The following COL7A1 variants were observed in gnomAD, a reference collection of about 807,000 sequenced individuals.
COL7A1 encodes the protein collagen type VII alpha 1 chain.
In COL7A1, 296 loss-of-function variants were observed where a neutral mutation model predicts 456.2. That is an observed-to-expected ratio of 0.65 (90% CI 0.59 to 0.71). COL7A1 has a LOEUF of 0.71. Among genes scored for constraint, COL7A1 ranks in the 30% least tolerant of loss-of-function variants. COL7A1 has a pLI of 0.00. For synonymous variants in COL7A1, 1,464 were observed against 1,525.9 expected, an observed-to-expected ratio of 0.96 and a Z score of 0.95; for missense variants, 3,441 against 4,017.2, an observed-to-expected ratio of 0.86 and a Z score of 3.88.
chr3:48,587,320 C>A lies in COL7A1; in HGVS notation c.3009G>T (p.Pro1003=). 1 of 1,600,436 alleles carries A rather than the reference C, an allele frequency of 6.2e-7. No individual in the cohort carries two copies. Among genetic ancestry groups the A allele is most frequent in the Non-Finnish European group, 8.5e-7 (1 of 1,173,346 alleles). ...RGPGQEVPGS[P]QTLPGISSSQ... The stretch of plus-strand genomic sequence containing the variant: ...AGCTTGAGATCCCTGGAAGTGTCTG[C>A]GGGGACCCAGGCACTTCTGCAGGAG... The change falls in exon 24 of 119, where the codon CCG becomes CCT. Residue 1003 remains proline, a synonymous_variant. Transcript: ENST00000681320. This position sits in a 1 kb window ranked among gnomAD's most constrained non-coding sequence, Gnocchi z 6.1.
chr3:48,587,781 A>C lies in COL7A1; in HGVS notation c.2857+12T>G. 9 of 1,613,384 alleles carry C rather than the reference A, an allele frequency of 5.6e-6. No individual in the cohort carries two copies. Among genetic ancestry groups the C allele is most frequent in the Non-Finnish European group, 6.8e-6 (8 of 1,179,960 alleles). On this transcript the variant is annotated intron_variant, in intron 22 of 118. Coordinates refer to ENST00000681320, the MANE Select transcript of COL7A1 (RefSeq NM_000094.4). The surrounding 1 kb of genome is among the most constrained non-coding windows in gnomAD (Gnocchi z 6.1). ...AGCAGGGGAGGAGCACGCCAAGGTG[A>C]GGCAGGCTTACCAGTGCGCGCAGTC... is the stretch of plus-strand genomic sequence containing the variant.
At position 48,583,082 on chromosome 3, in the gene COL7A1, G is replaced by A. The variant is rs760220232; in HGVS notation, c.4483-34C>T. The A allele has an allele frequency of 6.2e-7, 1 of 1,613,926 alleles. No individual in the cohort carries two copies. The highest frequency in any genetic ancestry group is 2.2e-5 in the East Asian group (1 of 44,874). ...AAAGAAGAGGTCAGAGCTGAGTTGG[G>A]CCCAGATCCTCCAGGGCCCTTGGCA... On this transcript the variant is annotated intron_variant, in intron 43 of 118. Transcript: ENST00000681320. This position sits in a 1 kb window ranked among gnomAD's most constrained non-coding sequence, Gnocchi z 5.1.
Position 48,567,983 on chromosome 3 carries a change from G to C in COL7A1, c.7876-92C>G. On this transcript the variant is annotated intron_variant, in intron 106 of 118. Transcript: ENST00000681320. This position sits in a 1 kb window ranked among gnomAD's most constrained non-coding sequence, Gnocchi z 4.3. ...AAACTAACTCTCCAAACAGGCCTCA[G>C]CTACTCCAACCTCTGACCCAGTGCC... 1 of 1,600,596 alleles carries C rather than the reference G, an allele frequency of 6.2e-7. No individual in the cohort carries two copies. The highest frequency in any genetic ancestry group is 8.6e-7 in the Non-Finnish European group (1 of 1,168,224).
chr3:48,568,773 G>T lies in COL7A1; in HGVS notation c.7758+11C>A, dbSNP rs776130597. ...ACCTGGGCCTGGGCCTGGGCCTGGG[G>T]CAGAACTTGCCTGGGGTCCCAGGAG... On this transcript the variant is annotated intron_variant, in intron 104 of 118. Coordinates refer to ENST00000681320, the MANE Select transcript of COL7A1 (RefSeq NM_000094.4). This position sits in a 1 kb window ranked among gnomAD's most constrained non-coding sequence, Gnocchi z 5.2. 4 of 1,562,488 alleles carry T rather than the reference G, an allele frequency of 2.6e-6. No homozygotes were observed. Among genetic ancestry groups the T allele is most frequent in the Non-Finnish European group, 3.5e-6 (4 of 1,152,622 alleles).
In COL7A1 at chr3:48,566,655, C is replaced by T. The variant is rs2107631732; in HGVS notation, c.8304+5G>A. ...TCTGACCCAAGCCTTGGAATCCCTA[C>T]TCACCTGCTCCCCTCTCTCGCCAGG... On this transcript the variant is annotated splice_donor_5th_base_variant and intron_variant, in intron 112 of 118. Coordinates refer to ENST00000681320, the MANE Select transcript of COL7A1 (RefSeq NM_000094.4). The surrounding 1 kb of genome is among the most constrained non-coding windows in gnomAD (Gnocchi z 5.9). The T allele has an allele frequency of 2.5e-6, 4 of 1,614,192 alleles. No individual in the cohort carries two copies. The highest frequency in any genetic ancestry group is 3.4e-6 in the Non-Finnish European group (4 of 1,180,026).
chr3:48,574,026 T>G lies in COL7A1; in HGVS notation c.6502-136A>C. 8.2e-7 allele frequency: 1 copy of G among 1,217,558 alleles called. No homozygotes were observed. Among genetic ancestry groups the G allele is most frequent in the South Asian group, 1.3e-5 (1 of 75,764 alleles). 75.4% of individuals were successfully genotyped at this position (1,217,558 alleles called of 1,614,324 possible). Reference sequence around the variant, plus strand: ...TCACAGATAATACCTACCCATGGACTGCCTCTCATAGATAGCACACACGGG... The same window carrying G: ...TCACAGATAATACCTACCCATGGACGGCCTCTCATAGATAGCACACACGGG... On this transcript the variant is annotated intron_variant, in intron 80 of 118. Transcript: ENST00000681320. This position sits in a 1 kb window ranked among gnomAD's most constrained non-coding sequence, Gnocchi z 5.0.
rs771793166 is a variant in COL7A1, at chr3:48,587,579, G to C, written c.2858-25C>G. The C allele has an allele frequency of 3.7e-6, 6 of 1,613,380 alleles. No individual in the cohort carries two copies. In the South Asian group the frequency reaches 4.4e-5, roughly 12 times the overall value. ...TCTGAAGGAGGAATGAAAGATCGAGGATCAGAGGCTGAGTCCTGAGAACCC... is the reference window on the plus strand; with the variant it reads ...TCTGAAGGAGGAATGAAAGATCGAGCATCAGAGGCTGAGTCCTGAGAACCC... On this transcript the variant is annotated intron_variant, in intron 22 of 118. Coordinates refer to ENST00000681320, the MANE Select transcript of COL7A1 (RefSeq NM_000094.4). This position sits in a 1 kb window ranked among gnomAD's most constrained non-coding sequence, Gnocchi z 6.1.
At chr3:48,589,188 A>C in intron 18 of COL7A1, 139 bp downstream of exon 18, 1 of 1,473,232 alleles carries the variant, frequency 6.8e-7, no homozygotes, top group Non-Finnish European at 9.4e-7. Context: ...GTGGGTGGAC[A>C]CTTAATCAGT....
At position 48,565,978 on chromosome 3, in the gene COL7A1, C is replaced by T. The variant is rs757416758; in HGVS notation, c.8407+289G>A. Among the ~76,000 whole-genome samples the T allele has an allele frequency of 1.3e-5, 2 of 152,128 alleles. No homozygotes were observed. The highest frequency in any genetic ancestry group is 2.9e-5 in the Non-Finnish European group (2 of 68,008). On this transcript the variant is annotated intron_variant, in intron 114 of 118. Transcript: ENST00000681320. The surrounding 1 kb of genome is among the most constrained non-coding windows in gnomAD (Gnocchi z 4.5). The stretch of plus-strand genomic sequence containing the variant: ...AGCTTCACTCTGATGCCCCTCCCAC[C>T]GGGTCCAGGTCAGGCCCAAGGGGAC...
Position 48,568,242 on chromosome 3 carries a change from G to A in COL7A1, c.7795-72C>T. 2.6e-6 allele frequency: 4 copies of A among 1,542,386 alleles called. No homozygotes were observed. Among genetic ancestry groups the A allele is most frequent in the African/African-American group, 1.4e-5 (1 of 73,760 alleles). On this transcript the variant is annotated intron_variant, in intron 105 of 118. Transcript: ENST00000681320. This position sits in a 1 kb window ranked among gnomAD's most constrained non-coding sequence, Gnocchi z 5.2. Reference sequence around the variant, plus strand: ...ACCAAAGAGAATCGCCCTGGATAGTGGGTAGGGAACACCATGGGGTGGGAG... The same window carrying A: ...ACCAAAGAGAATCGCCCTGGATAGTAGGTAGGGAACACCATGGGGTGGGAG...
At position 48,576,408 on chromosome 3, in the gene COL7A1, C is replaced by T. The variant is rs531448664; in HGVS notation, c.5764G>A (p.Gly1922Arg). ...AAAGGTGGGGGCCTCACCTGCTCCC[C>T]TTTGGATCCAGTCTCCCCACGGTCA... ...KGDRGETGSK[G>R]EQGLPGERGL... The change falls in exon 70 of 119, where the codon GGG becomes AGG. Residue 1922 changes from glycine to arginine, a missense_variant. Physicochemically the swap from Gly to Arg is moderately radical, Grantham distance 125. Around this residue, in one of 3 missense-constraint regions of COL7A1, gnomAD observed 2,084 missense variants for 2,501.3 expected, o/e 0.83. Transcript: ENST00000681320. The T allele has an allele frequency of 1.2e-6, 2 of 1,613,840 alleles. No homozygotes were observed. The highest frequency in any genetic ancestry group is 1.3e-5 in the African/African-American group (1 of 75,058).
rs1472451713 is a variant in COL7A1 at position 48,576,575 on chromosome 3, A to G, written c.5701-18T>C. Reference sequence around the variant, plus strand: ...GGAAAACCCTGAGATACGGCAGAACACAAAGGGGTCACAAAGGCCCATGGC... The same window carrying G: ...GGAAAACCCTGAGATACGGCAGAACGCAAAGGGGTCACAAAGGCCCATGGC... On this transcript the variant is annotated intron_variant, in intron 68 of 118. Transcript: ENST00000681320. 6.2e-7 allele frequency: 1 copy of G among 1,605,324 alleles called. No homozygotes were observed. Among genetic ancestry groups the G allele is most frequent in the Non-Finnish European group, 8.5e-7 (1 of 1,176,504 alleles).
rs1398593449 is a variant in COL7A1, at chr3:48,575,535, G to T, written c.5984C>A (p.Pro1995His). The change falls in exon 74 of 119, where the codon CCC (proline) becomes CAC (histidine). Residue 1995 changes from proline (P) to histidine (H), a missense_variant. Physicochemically the swap from Pro to His is moderately conservative, Grantham distance 77. This residue lies in a region of COL7A1 where 2,084 missense variants were observed against 2,501.3 expected (regional missense o/e 0.83). Coordinates refer to ENST00000681320, the MANE Select transcript of COL7A1 (RefSeq NM_000094.4). This position sits in a 1 kb window ranked among gnomAD's most constrained non-coding sequence, Gnocchi z 6.3. ...GEQGPPGKEG[P>H]IGFPGERGLK... is the part of the protein sequence containing the mutation. ...CCCGCGTTCTCCAGGAAAGCCGATG[G>T]GGCCCTGCAGGAGTGGAAGAGAGAA... The T allele has an allele frequency of 6.2e-7, 1 of 1,612,702 alleles. No individual in the cohort carries two copies. The highest frequency in any genetic ancestry group is 8.5e-7 in the Non-Finnish European group (1 of 1,179,972).
rs1256976418 is a variant in COL7A1, at chr3:48,593,630, G to GCTAA, written c.329_332dup (p.Tyr112Ter). ...CTGTGCGAGTGTTGCCCCCCTTGTA[G>GCTAA]CTAAGCTCACGGATGGCGCGGATCA... On this transcript the variant is annotated stop_gained and frameshift_variant, in exon 4 of 119. Coordinates refer to ENST00000681320, the MANE Select transcript of COL7A1 (RefSeq NM_000094.4). LOFTEE classifies it high-confidence loss of function. The surrounding 1 kb of genome is among the most constrained non-coding windows in gnomAD (Gnocchi z 4.4). 1 of 1,614,226 alleles carries GCTAA rather than the reference G, an allele frequency of 6.2e-7. No homozygotes were observed. Among genetic ancestry groups the GCTAA allele is most frequent in the Non-Finnish European group, 8.5e-7 (1 of 1,180,036 alleles).
chr3:48,570,537 CA>C lies in COL7A1; in HGVS notation c.7345-38del. ...AGTGAGGTGAGGGTCCTGTGGCTCT[CA>C]AAGCGCCTCCCCCAACACCCCACAG... On this transcript the variant is annotated intron_variant, in intron 96 of 118. Transcript: ENST00000681320. The surrounding 1 kb of genome is among the most constrained non-coding windows in gnomAD (Gnocchi z 5.5). The C allele has an allele frequency of 6.2e-7, 1 of 1,613,994 alleles. No individual in the cohort carries two copies. Among genetic ancestry groups the C allele is most frequent in the Non-Finnish European group, 8.5e-7 (1 of 1,179,936 alleles).
In COL7A1 at chr3:48,566,460, C is replaced by A; in HGVS notation, c.8358+50G>T. 1.1e-5 allele frequency: 18 copies of A among 1,608,776 alleles called. No homozygotes were observed. The highest frequency in any genetic ancestry group is 1.5e-5 in the Non-Finnish European group (18 of 1,176,796). ...TGGGTGAGGGAGGTAGGGCCCCAGCCCACCCAGGCCCACCCAGGCCCTCCC... is the reference window on the plus strand; with the variant it reads ...TGGGTGAGGGAGGTAGGGCCCCAGCACACCCAGGCCCACCCAGGCCCTCCC... On this transcript the variant is annotated intron_variant, in intron 113 of 118. Coordinates refer to ENST00000681320, the MANE Select transcript of COL7A1 (RefSeq NM_000094.4). This position sits in a 1 kb window ranked among gnomAD's most constrained non-coding sequence, Gnocchi z 5.9.
chr3:48,593,722 G>T lies in COL7A1; in HGVS notation c.267-26C>A. The T allele has an allele frequency of 6.2e-7, 1 of 1,614,202 alleles. No individual in the cohort carries two copies. The highest frequency in any genetic ancestry group is 8.5e-7 in the Non-Finnish European group (1 of 1,180,016). On this transcript the variant is annotated intron_variant, in intron 3 of 118. Transcript: ENST00000681320. The surrounding 1 kb of genome is among the most constrained non-coding windows in gnomAD (Gnocchi z 4.4). The stretch of plus-strand genomic sequence containing the variant: ...CTGTTGGAGGGTAGGGGTGGCAACA[G>T]GCTAGGACTCAGGATCTCTTCTGGC...
At chr3:48,589,914 C>A (rs1435798052) in intron 16 of COL7A1, among the ~76,000 whole-genome samples, 196 bp from the exon 17 acceptor site, 1 of 152,002 alleles carries the variant, frequency 6.6e-6, no homozygotes. Flanking sequence ...AAGTGTAAAT[C>A]TCAGAGGAGA....
At position 48,591,245 on chromosome 3, in the gene COL7A1, G is replaced by A. The variant is rs2045675248; in HGVS notation, c.1636+219C>T. Among the ~76,000 whole-genome samples the A allele has an allele frequency of 6.6e-6, 1 of 152,172 alleles. No individual in the cohort carries two copies. Among genetic ancestry groups the A allele is most frequent in the East Asian group, 1.9e-4 (1 of 5,196 alleles). On this transcript the variant is annotated intron_variant, in intron 13 of 118. Transcript: ENST00000681320. The surrounding 1 kb of genome is among the most constrained non-coding windows in gnomAD (Gnocchi z 7.0). Reference sequence around the variant, plus strand: ...GTGCAGAGGTGAAAGCCGTGGATGGGGTGTGGGGCAGGGAGGAGATTGGTT... The same window carrying A: ...GTGCAGAGGTGAAAGCCGTGGATGGAGTGTGGGGCAGGGAGGAGATTGGTT...
Sources: gnomAD v4.1 joint callset for allele counts (sites outside exome capture counted in the v4.1 genomes callset) on GRCh38, gnomAD v4.1.1 for gene constraint, gnomAD v4.1.1 regional missense constraint, Gnocchi (gnomAD v3.1) non-coding constraint, MANE v1.5 for transcripts, NCBI Gene and HGNC (gene_info 2026-07-23, HGNC 2026-07-21) for gene names.